Variants in PLS3 observed in about 807,000 individuals in gnomAD.
The protein encoded by PLS3 is plastin-3.
A neutral mutation model predicts 46.5 loss-of-function variants in PLS3; 11 were observed. The ratio of observed to expected loss-of-function variants is 0.24; its 90% CI spans 0.15 to 0.39. PLS3 has a LOEUF of 0.39. Among genes scored for constraint, PLS3 ranks in the 10% least tolerant of loss-of-function variants. PLS3 has a pLI of 1.00. For missense variants in PLS3, 308 were observed against 461.8 expected (o/e 0.67, Z 3.05); for synonymous variants, 167 against 162.2 (o/e 1.03, Z -0.22).
intron 9 of PLS3, among the ~76,000 whole-genome samples, chrX:115,642,108 G>T (rs377544888): frequency 1.9e-5 from 2 of 103,842 alleles, no homozygotes; most frequent in African/African-American, 7.1e-5. Context: ...CGAACTCCTG[G>T]GCTCAAGCAA....
In PLS3 at chrX:115,596,872, C is replaced by T. The variant is rs1159153970; in HGVS notation, c.-8-13371C>T. Reference sequence around the variant, plus strand: ...TAATAATATAAAATAAGGCTGGGTGCGGTGGCTCACTCCTGTAATCCCAGC... The same window carrying T: ...TAATAATATAAAATAAGGCTGGGTGTGGTGGCTCACTCCTGTAATCCCAGC... On this transcript the variant is annotated intron_variant, in intron 1 of 15. Coordinates refer to ENST00000355899, the MANE Select transcript of PLS3 (RefSeq NM_005032.7). Among the ~76,000 whole-genome samples the T allele has an allele frequency of 8.4e-5, 9 of 107,324 alleles. No individual in the cohort carries two copies. In the East Asian group the frequency reaches 8.8e-4, roughly 11 times the overall value. The allele number at this position is 107,324 out of a possible 115,157, so 93.2% of individuals were successfully genotyped here.
intron 2 of PLS3, among the ~76,000 whole-genome samples, chrX:115,613,142 C>G (rs2074562669): frequency 9.0e-6 from 1 of 111,663 alleles, no homozygotes; most frequent in South Asian, 3.7e-4. Flanking sequence ...TTTAGTACTG[C>G]AAACACTTAC....
chrX:115,624,867 A>G (rs782462478), intron 3 of PLS3, among the ~76,000 whole-genome samples: 1 of 112,087 alleles, frequency 8.9e-6, no homozygotes, highest in Non-Finnish European at 1.9e-5. Flanking sequence ...ACACTTTTCA[A>G]ATGAAAAGAA....
At chrX:115,594,886 T>C (rs2074374039) in intron 1 of PLS3, among the ~76,000 whole-genome samples, 1 of 111,651 alleles carries the variant, frequency 9.0e-6, no homozygotes, top group South Asian at 3.8e-4. Flanking sequence ...TGGAAGACAT[T>C]AGACCTTTTA....
intron 1 of PLS3, among the ~76,000 whole-genome samples, chrX:115,595,813 C>G (rs1260882515): frequency 3.7e-5 from 4 of 107,606 alleles, no homozygotes; most frequent in African/African-American, 1.0e-4. Flanking sequence ...CTCAGCCTCC[C>G]GAGTAGCTGG....
chrX:115,581,093 T>C (rs2074277335), intron 1 of PLS3, among the ~76,000 whole-genome samples: 1 of 111,401 alleles, frequency 9.0e-6, no homozygotes, highest in African/African-American at 3.3e-5. Flanking sequence ...AAATTGAAGT[T>C]TGTCAGGTTC....
In PLS3 at chrX:115,636,712, T is replaced by C; in HGVS notation, c.749-124T>C. 9.9e-6 allele frequency: 5 copies of C among 503,354 alleles called. No individual in the cohort carries two copies. In the South Asian group the frequency reaches 2.2e-4, roughly 23 times the overall value. The allele number at this position is 503,354 out of a possible 1,213,427, so 41.5% of individuals were successfully genotyped here. A position where few individuals can be genotyped will look rare whatever the true frequency, so the allele number is the denominator to read the frequency against. On this transcript the variant is annotated intron_variant, in intron 7 of 15. Coordinates refer to ENST00000355899, the MANE Select transcript of PLS3 (RefSeq NM_005032.7). Reference sequence around the variant, plus strand: ...TAGTAGATTATGAGTATCTTGAAACTAGGAACTATGTCATAGTAGTTTTTG... The same window carrying C: ...TAGTAGATTATGAGTATCTTGAAACCAGGAACTATGTCATAGTAGTTTTTG...
In PLS3 at chrX:115,642,344, C is replaced by T. The variant is rs143364617; in HGVS notation, c.988-969C>T. 6.3e-5 allele frequency among the ~76,000 whole-genome samples: 7 copies of T among 111,533 alleles called. No homozygotes were observed. In the East Asian group the frequency reaches 1.7e-3, roughly 27 times the overall value. ...GTCTTGCCTTCCACCATTCTCCCTA[C>T]GCTCAAAAGAAATCAGTGGAAATAG... On this transcript the variant is annotated intron_variant, in intron 9 of 15. Transcript: ENST00000355899.
intron 1 of PLS3, among the ~76,000 whole-genome samples, chrX:115,593,792 C>G (rs782060833): frequency 3.6e-5 from 4 of 111,274 alleles, no homozygotes; most frequent in Admixed American, 1.9e-4. Flanking sequence ...ATTATTTATT[C>G]AAGTAGAATA....
intron 8 of PLS3, chrX:115,639,876 A>C (rs1556640773): frequency 1.4e-5 from 6 of 440,437 alleles, no homozygotes; most frequent in Non-Finnish European, 2.0e-5. Flanking sequence ...TGTTAAGTAC[A>C]TTCAGATCAT....
intron 2 of PLS3, among the ~76,000 whole-genome samples, chrX:115,613,807 TA>T (rs199739436): frequency 0.035 from 3,904 of 111,422 alleles, 87 homozygotes; most frequent in African/African-American, 0.08. Context: ...CAGCCAGGTA[TA>T]TTTTGCTTCA....
chrX:115,623,240 C>T (rs968158823), intron 3 of PLS3, among the ~76,000 whole-genome samples: 7 of 112,038 alleles, frequency 6.2e-5, no homozygotes, highest in East Asian at 2.8e-4. Flanking sequence ...CCTGTAACTC[C>T]GGCACTTTGG....
chrX:115,584,133 C>T (rs782409682), intron 1 of PLS3, among the ~76,000 whole-genome samples: 12 of 111,767 alleles, frequency 1.1e-4, no homozygotes, highest in Non-Finnish European at 2.1e-4. Context: ...TGCCTTTTAT[C>T]CTTATTTATT....
At position 115,648,755 on chromosome X, in the gene PLS3, T is replaced by C. The variant is rs782637563; in HGVS notation, c.1761-674T>C. ...TAGCAGATATGACAAAGGTCTAATA[T>C]CCACAATATATCAAGAACTCTTGAA... On this transcript the variant is annotated intron_variant, in intron 15 of 15. Transcript: ENST00000355899. Among the ~76,000 whole-genome samples the C allele has an allele frequency of 3.6e-5, 4 of 112,204 alleles. No individual in the cohort carries two copies. In the South Asian group the frequency reaches 1.1e-3, roughly 31 times the overall value.
intron 1 of PLS3, among the ~76,000 whole-genome samples, chrX:115,579,810 G>A (rs1263411775): frequency 9.0e-6 from 1 of 111,344 alleles, no homozygotes; most frequent in Non-Finnish European, 1.9e-5. Context: ...ACGGCTCGCT[G>A]CAGCGTCAAC....
chrX:115,574,123 G>C (rs147095850), intron 1 of PLS3, among the ~76,000 whole-genome samples: 107 of 111,850 alleles, frequency 9.6e-4, no homozygotes, highest in African/African-American at 3.3e-3. Flanking sequence ...TTTTCTTCAA[G>C]AGCAGCAATA....
At chrX:115,566,095 C>T (rs2074170273) in intron 1 of PLS3, among the ~76,000 whole-genome samples, 2 of 112,003 alleles carry the variant, frequency 1.8e-5, no homozygotes, top group Non-Finnish European at 3.8e-5. Flanking sequence ...AAGTGAGAAA[C>T]GTGAAGCCTT....
At chrX:115,640,584 C>G (rs1270333169) in intron 9 of PLS3, 81 bp downstream of exon 9, 1 of 534,648 alleles carries the variant, frequency 1.9e-6, no homozygotes, top group Non-Finnish European at 3.2e-6. Context: ...TTTTTATAAT[C>G]GTATGAAGTA....
intron 2 of PLS3, among the ~76,000 whole-genome samples, chrX:115,619,628 GA>G (rs782131282): frequency 4.2e-4 from 47 of 112,767 alleles, no homozygotes; most frequent in Non-Finnish European, 6.6e-4. Context: ...ACATCCTAGG[GA>G]AATTAAGTGC....
Sources: gnomAD v4.1 joint callset for allele counts (sites outside exome capture counted in the v4.1 genomes callset) on GRCh38, gnomAD v4.1.1 for gene constraint, MANE v1.5 for transcripts, NCBI Gene and HGNC (gene_info 2026-07-23, HGNC 2026-07-21) for gene names.